The following DNAH6 variants were observed in gnomAD, a reference collection of about 807,000 sequenced individuals.
DNAH6 encodes the protein dynein axonemal heavy chain 6, also known as axonemal beta dynein heavy chain 6.
A neutral mutation model predicts 491.4 loss-of-function variants in DNAH6; 340 were observed. The ratio of observed to expected loss-of-function variants is 0.69; its 90% CI spans 0.63 to 0.76. The LOEUF is 0.76. Ranked by LOEUF, DNAH6 falls within the 30% of genes least tolerant of loss-of-function variation. The pLI, the probability that DNAH6 is intolerant of heterozygous loss-of-function variation, is 0.00. For missense variants in DNAH6, 4,443 were observed against 4,972.2 expected, an observed-to-expected ratio of 0.89 and a Z score of 3.20; for synonymous variants, 1,603 against 1,686.1, an observed-to-expected ratio of 0.95 and a Z score of 1.21.
intron 34 of DNAH6, among the ~76,000 whole-genome samples, chr2:84,654,274 C>T (rs1690741017): frequency 6.6e-6 from 1 of 152,066 alleles, no homozygotes; most frequent in Non-Finnish European, 1.5e-5. Flanking sequence ...CCAAGTACAG[C>T]TACCAACATT....
At chr2:84,691,112 A>G (rs1405817241) in intron 45 of DNAH6, among the ~76,000 whole-genome samples, 1 of 152,242 alleles carries the variant, frequency 6.6e-6, no homozygotes, top group Non-Finnish European at 1.5e-5. Flanking sequence ...CGTGAGAGAA[A>G]ATATAACTTA....
intron 33 of DNAH6, among the ~76,000 whole-genome samples, chr2:84,645,960 A>G (rs1479257060): frequency 6.6e-6 from 1 of 152,168 alleles, no homozygotes; most frequent in Non-Finnish European, 1.5e-5. Flanking sequence ...CTACAGGCAT[A>G]CCTCATTTTA....
At chr2:84,714,038 C>T (rs141437521) in intron 57 of DNAH6, among the ~76,000 whole-genome samples, 148 of 152,252 alleles carry the variant, frequency 9.7e-4, no homozygotes, top group African/African-American at 3.4e-3. Flanking sequence ...CCCCTCCCAC[C>T]AAGCTCCCAC....
In DNAH6 at chr2:84,805,544, G is replaced by A. The variant is rs1011355047; in HGVS notation, c.11482-121G>A. 4.5e-6 allele frequency: 4 copies of A among 896,882 alleles called. No individual in the cohort carries two copies. The African/African-American group carries it at 6.8e-5, about 15-fold the overall frequency. 55.6% of individuals were successfully genotyped at this position (896,882 alleles called of 1,614,324 possible). On this transcript the variant is annotated intron_variant, in intron 70 of 76. Transcript: ENST00000389394. The stretch of plus-strand genomic sequence containing the variant: ...ATTGTTCTTACCACAATAAAATAAA[G>A]TGAAAATAAATAATATGGTTTTAGA...
At chr2:84,720,976 G>T (rs1406386778) in intron 59 of DNAH6, among the ~76,000 whole-genome samples, 2 of 152,156 alleles carry the variant, frequency 1.3e-5, no homozygotes, top group African/African-American at 4.8e-5. Context: ...CTTGGCTACA[G>T]TTTATACTCC....
Position 84,819,464 on chromosome 2 carries a change from A to AGC in DNAH6, c.*57_*58dup. 1 of 1,163,574 alleles carries AGC rather than the reference A, an allele frequency of 8.6e-7. No homozygotes were observed. The highest frequency in any genetic ancestry group is 2.4e-5 in the Admixed American group (1 of 41,616). 72.1% of individuals were successfully genotyped at this position (1,163,574 alleles called of 1,614,324 possible). A position where few individuals can be genotyped will look rare whatever the true frequency, so the allele number is the denominator to read the frequency against. The stretch of plus-strand genomic sequence containing the variant: ...CAGGCCAGAGATCTTTCCTAATGGG[A>AGC]GCAAAAGGTTTGAATAATTTATATG... On this transcript the variant is annotated 3_prime_UTR_variant, in exon 77 of 77. Coordinates refer to ENST00000389394, the MANE Select transcript of DNAH6 (RefSeq NM_001370.2).
rs974142275 is a variant in DNAH6, at chr2:84,590,729, A to G, written c.2610+1775A>G. 8.5e-5 allele frequency among the ~76,000 whole-genome samples: 13 copies of G among 152,190 alleles called. No homozygotes were observed. The South Asian group carries it at 1.9e-3, about 22-fold the overall frequency. ...AGTATAAAATCAGCTGATGGAAGCC[A>G]GTAGAATAATTCCTAACACCCTTTC... On this transcript the variant is annotated intron_variant, in intron 16 of 76. Transcript: ENST00000389394.
At chr2:84,719,077 G>GA (rs554802264) in intron 59 of DNAH6, among the ~76,000 whole-genome samples, 8 of 151,874 alleles carry the variant, frequency 5.3e-5, no homozygotes, top group Non-Finnish European at 8.8e-5. Flanking sequence ...ATAATTTACT[G>GA]AAAAAAAATC....
intron 68 of DNAH6, among the ~76,000 whole-genome samples, chr2:84,787,999 A>C (rs1326782383): frequency 1.3e-5 from 2 of 152,176 alleles, no homozygotes; most frequent in Non-Finnish European, 2.9e-5. Flanking sequence ...TTGGCAAGTA[A>C]GGGAAATGGA....
At chr2:84,625,270 C>T (rs1257869465) in intron 29 of DNAH6, among the ~76,000 whole-genome samples, 2 of 151,788 alleles carry the variant, frequency 1.3e-5, no homozygotes, top group African/African-American at 4.8e-5. Flanking sequence ...GAATCAAGGC[C>T]AGGGGATGAT....
chr2:84,764,697 C>A (rs1222331405), intron 64 of DNAH6, among the ~76,000 whole-genome samples: 1 of 152,016 alleles, frequency 6.6e-6, no homozygotes, highest in Non-Finnish European at 1.5e-5. Flanking sequence ...ATTTTCTGTT[C>A]CTGCATTAAT....
rs1422774557 is a variant in DNAH6 at position 84,784,818 on chromosome 2, A to G, written c.10953+8A>G. The G allele has an allele frequency of 6.6e-7, 1 of 1,515,820 alleles. No individual in the cohort carries two copies. The highest frequency in any genetic ancestry group is 9.0e-7 in the Non-Finnish European group (1 of 1,114,746). The allele number at this position is 1,515,820 out of a possible 1,614,324, so 93.9% of individuals were successfully genotyped here. The stretch of plus-strand genomic sequence containing the variant: ...CTTCAAAATTCTGTCAAGGTAATGT[A>G]TGCATATGGTTGGAACAATGTGAAA... On this transcript the variant is annotated splice_region_variant and intron_variant, in intron 66 of 76. Transcript: ENST00000389394.
chr2:84,703,339 C>A, intron 49 of DNAH6, 56 bp from the exon 50 acceptor site: 1 of 1,277,146 alleles, frequency 7.8e-7, no homozygotes, highest in Non-Finnish European at 1.0e-6. Flanking sequence ...TGTTCGATAC[C>A]AGTAAACTTA....
At chr2:84,665,695 T>C (rs1692049889) in intron 37 of DNAH6, among the ~76,000 whole-genome samples, 1 of 152,300 alleles carries the variant, frequency 6.6e-6, no homozygotes, top group East Asian at 1.9e-4. Context: ...GTACCATTCC[T>C]TCTGAAACTA....
intron 4 of DNAH6, among the ~76,000 whole-genome samples, chr2:84,533,746 A>C (rs1046634025): frequency 6.6e-6 from 1 of 152,170 alleles, no homozygotes; most frequent in Non-Finnish European, 1.5e-5. Flanking sequence ...TGAAACACTC[A>C]GCCTTGCAGC....
At chr2:84,703,693 T>A (rs1696157476) in intron 50 of DNAH6, 131 bp downstream of exon 50, 1 of 830,696 alleles carries the variant, frequency 1.2e-6, no homozygotes, top group Non-Finnish European at 1.7e-6. Context: ...TTAGCAAAGT[T>A]TTTTTTTTTT....
At chr2:84,524,983 CTTTT>C (rs1447473909) in intron 2 of DNAH6, among the ~76,000 whole-genome samples, 1 of 151,950 alleles carries the variant, frequency 6.6e-6, no homozygotes, top group East Asian at 1.9e-4. Context: ...AATCTCAAGC[CTTTT>C]TTTCTTATCC....
Position 84,544,439 on chromosome 2 carries a change from G to A in DNAH6, c.869G>A (p.Arg290His), listed in dbSNP as rs764375435. 2.0e-5 allele frequency: 30 copies of A among 1,536,952 alleles called. No individual in the cohort carries two copies. The highest frequency in any genetic ancestry group is 1.7e-4 in the Middle Eastern group (1 of 5,990). ...KAFSVWRKNV[R>H]SKKITGCQKS... ...TTTAGTGTATGGAGGAAGAATGTCCGCTCCAAGAAAATCACTGGATGTCAA... is the reference window on the plus strand; with the variant it reads ...TTTAGTGTATGGAGGAAGAATGTCCACTCCAAGAAAATCACTGGATGTCAA... Residue 290 changes from arginine to histidine, a missense_variant, in exon 5 of 77, where the codon CGC becomes CAC. Around this residue, in one of 3 missense-constraint regions of DNAH6, gnomAD observed 2,977 missense variants for 3,296.6 expected, o/e 0.90. Transcript: ENST00000389394.
intron 31 of DNAH6, among the ~76,000 whole-genome samples, chr2:84,639,671 C>G (rs539672598): frequency 6.6e-6 from 1 of 152,188 alleles, no homozygotes; most frequent in Admixed American, 6.5e-5. Context: ...TCACCCATCT[C>G]GATCTCCCAA....
Sources: gnomAD v4.1 joint callset for allele counts (sites outside exome capture counted in the v4.1 genomes callset) on GRCh38, gnomAD v4.1.1 for gene constraint, gnomAD v4.1.1 regional missense constraint, MANE v1.5 for transcripts, NCBI Gene and HGNC (gene_info 2026-07-23, HGNC 2026-07-21) for gene names.